The following SH3RF3 variants were observed in gnomAD, a reference collection of about 807,000 sequenced individuals.
SH3RF3 encodes the protein SH3 domain containing ring finger 3.
SH3RF3 carries 29 observed loss-of-function variants against 66.3 expected under a neutral mutation model. The ratio of observed to expected loss-of-function variants is 0.44; its 90% CI spans 0.33 to 0.60. SH3RF3 has a LOEUF of 0.60. SH3RF3 is among the 20% of genes least tolerant of loss of function. The pLI is 0.04. For missense variants in SH3RF3, 1,194 were observed against 1,190.9 expected, an observed-to-expected ratio of 1.00 and a Z score of -0.04; for synonymous variants, 583 against 532.0, an observed-to-expected ratio of 1.10 and a Z score of -1.32.
chr2:109,329,723 G>T (rs1273923389), intron 1 of SH3RF3, among the ~76,000 whole-genome samples: 1 of 152,232 alleles, frequency 6.6e-6, no homozygotes, highest in Non-Finnish European at 1.5e-5. Context: ...CAGGAGGAAG[G>T]TGAAATGAAT....
intron 1 of SH3RF3, among the ~76,000 whole-genome samples, chr2:109,340,299 C>T (rs1057436233): frequency 5.9e-5 from 9 of 152,098 alleles, no homozygotes; most frequent in Admixed American, 1.3e-4. Context: ...CTGTAAGGAT[C>T]CTGTGGGTCT....
intron 1 of SH3RF3, among the ~76,000 whole-genome samples, chr2:109,318,557 G>A (rs1681941587): frequency 1.3e-5 from 2 of 152,218 alleles, no homozygotes; most frequent in Admixed American, 6.5e-5. Context: ...GTCCTTGCGG[G>A]TGTGTTGGTT....
At chr2:109,342,357 A>G (rs1452475724) in intron 1 of SH3RF3, among the ~76,000 whole-genome samples, 1 of 152,176 alleles carries the variant, frequency 6.6e-6, no homozygotes, top group Non-Finnish European at 1.5e-5. Context: ...CTGTGTGTTC[A>G]TTCGTTCAGT....
intron 1 of SH3RF3, among the ~76,000 whole-genome samples, chr2:109,335,747 C>T (rs374739341): frequency 1.1e-4 from 16 of 152,346 alleles, no homozygotes; most frequent in East Asian, 9.6e-4. Flanking sequence ...CCACAAGTAA[C>T]GGGCACTCAT....
chr2:109,479,520 C>A (rs924224907), intron 8 of SH3RF3, among the ~76,000 whole-genome samples: 1 of 152,082 alleles, frequency 6.6e-6, no homozygotes, highest in African/African-American at 2.4e-5. Flanking sequence ...TATCTGTTCT[C>A]CCTGGGGTGT....
chr2:109,294,196 C>T (rs750972155), intron 1 of SH3RF3, among the ~76,000 whole-genome samples: 2 of 152,288 alleles, frequency 1.3e-5, no homozygotes, highest in South Asian at 4.1e-4. Context: ...TTGTATGTCA[C>T]ATACAGCTCC....
chr2:109,280,183 A>G (rs1204989122), intron 1 of SH3RF3, among the ~76,000 whole-genome samples: 4 of 152,186 alleles, frequency 2.6e-5, no homozygotes, highest in African/African-American at 9.7e-5. Flanking sequence ...AATTAATGTC[A>G]GTGGCCTGCA....
intron 7 of SH3RF3, among the ~76,000 whole-genome samples, chr2:109,440,182 T>C (rs891099450): frequency 6.6e-6 from 1 of 152,138 alleles, no homozygotes; most frequent in Non-Finnish European, 1.5e-5. Context: ...AGAAGTCCAG[T>C]GTGTAGATGA....
intron 5 of SH3RF3, among the ~76,000 whole-genome samples, chr2:109,422,394 T>G (rs1371182856): frequency 6.6e-6 from 1 of 152,188 alleles, no homozygotes; most frequent in African/African-American, 2.4e-5. Context: ...CCCTTGAGAT[T>G]AAGAGGCCTA....
chr2:109,164,686 A>C (rs2104921856), intron 1 of SH3RF3, among the ~76,000 whole-genome samples: 1 of 152,264 alleles, frequency 6.6e-6, no homozygotes, highest in Non-Finnish European at 1.5e-5. Context: ...CCAGTTTCCA[A>C]GGTGTAAATA....
chr2:109,133,341 G>A (rs1390702833), intron 1 of SH3RF3, among the ~76,000 whole-genome samples: 1 of 152,176 alleles, frequency 6.6e-6, no homozygotes, highest in Non-Finnish European at 1.5e-5. Flanking sequence ...TCTCTTCTGT[G>A]TCTCTTTGAC....
Position 109,449,411 on chromosome 2 carries a change from A to T in SH3RF3, c.2070A>T (p.Gly690=), listed in dbSNP as rs371815070. 5.0e-6 allele frequency: 8 copies of T among 1,613,594 alleles called. No homozygotes were observed. The highest frequency in any genetic ancestry group is 4.0e-5 in the African/African-American group (3 of 75,036). The stretch of plus-strand genomic sequence containing the variant: ...CCGCAAACCTCAACGGGGAGGCTGG[A>T]GGGGGGCCCATCGGTGTTCTGTCCA... ...VSAANLNGEA[G]GGPIGVLSTS... The change falls in exon 8 of 10, where the codon GGA becomes GGT. Residue 690 remains glycine, a synonymous_variant. Coordinates refer to ENST00000309415, the MANE Select transcript of SH3RF3 (RefSeq NM_001099289.3).
At chr2:109,496,842 T>G (rs1456677498) in intron 9 of SH3RF3, among the ~76,000 whole-genome samples, 1 of 152,220 alleles carries the variant, frequency 6.6e-6, no homozygotes, top group Non-Finnish European at 1.5e-5. Flanking sequence ...ATAAAGAGAT[T>G]ACCCGGGATT....
At chr2:109,440,059 C>G (rs1270973198) in intron 7 of SH3RF3, among the ~76,000 whole-genome samples, 1 of 152,160 alleles carries the variant, frequency 6.6e-6, no homozygotes, top group Non-Finnish European at 1.5e-5. Context: ...AAAGGAGGTT[C>G]AGAGCAGAGG....
chr2:109,179,210 A>G (rs889773658), intron 1 of SH3RF3, among the ~76,000 whole-genome samples: 13 of 152,192 alleles, frequency 8.5e-5, no homozygotes, highest in Non-Finnish European at 1.8e-4. Flanking sequence ...GATAATCAAA[A>G]TTAGGTTCTA....
chr2:109,242,627 C>T (rs1292215476), intron 1 of SH3RF3, among the ~76,000 whole-genome samples: 1 of 152,214 alleles, frequency 6.6e-6, no homozygotes, highest in African/African-American at 2.4e-5. Flanking sequence ...CCTTACTGGG[C>T]TGTGCCTACC....
Position 109,490,906 on chromosome 2 carries a change from G to C in SH3RF3, c.2450G>C (p.Arg817Pro). 6.6e-7 allele frequency: 1 copy of C among 1,514,938 alleles called. No individual in the cohort carries two copies. The highest frequency in any genetic ancestry group is 1.2e-5 in the South Asian group (1 of 81,288). The allele number at this position is 1,514,938 out of a possible 1,614,324, so 93.8% of individuals were successfully genotyped here. A position where few individuals can be genotyped will look rare whatever the true frequency, so the allele number is the denominator to read the frequency against. The change falls in exon 9 of 10, where the codon CGC (arginine) becomes CCC (proline). Residue 817 changes from arginine (R) to proline (P), a missense_variant. By Grantham distance (103) the Arg-to-Pro change is moderately radical. Coordinates refer to ENST00000309415, the MANE Select transcript of SH3RF3 (RefSeq NM_001099289.3). ...RQAPLSMAAI[R>P]PEPKLLPRER... is the part of the protein sequence containing the mutation. ...GCTCCGCTGTCCATGGCTGCCATCCGCCCCGAGCCCAAGCTGTTGCCCAGA... is the reference window on the plus strand; with the variant it reads ...GCTCCGCTGTCCATGGCTGCCATCCCCCCCGAGCCCAAGCTGTTGCCCAGA...
intron 3 of SH3RF3, among the ~76,000 whole-genome samples, chr2:109,389,171 C>T (rs1675911816): frequency 6.6e-6 from 1 of 152,218 alleles, no homozygotes; most frequent in African/African-American, 2.4e-5. Flanking sequence ...GACACACAGA[C>T]ATCCAGTCCC....
chr2:109,129,468 G>T lies in SH3RF3; in HGVS notation c.-73G>T. On this transcript the variant is annotated 5_prime_UTR_variant, in exon 1 of 10. Coordinates refer to ENST00000309415, the MANE Select transcript of SH3RF3 (RefSeq NM_001099289.3). ...GCCCGGCTCCCCAGTCCTGATGCTG[G>T]CTGCCGGTGGCGGGCTCCACGCCGG... 1.3e-6 allele frequency: 2 copies of T among 1,494,568 alleles called. No homozygotes were observed. Among genetic ancestry groups the T allele is most frequent in the Non-Finnish European group, 1.8e-6 (2 of 1,127,392 alleles). 92.6% of individuals were successfully genotyped at this position (1,494,568 alleles called of 1,614,324 possible). A position where few individuals can be genotyped will look rare whatever the true frequency, so the allele number is the denominator to read the frequency against.
Sources: allele counts gnomAD v4.1 joint callset (sites outside exome capture counted in the v4.1 genomes callset), GRCh38; gene constraint gnomAD v4.1.1; transcripts MANE v1.5; gene names NCBI Gene and HGNC (gene_info 2026-07-23, HGNC 2026-07-21).